Variants in CARM1 observed in about 807,000 individuals in gnomAD.
The protein encoded by CARM1 is histone-arginine methyltransferase CARM1.
A neutral mutation model predicts 72.7 loss-of-function variants in CARM1; 14 were observed. That is an observed-to-expected ratio of 0.19 (90% confidence interval 0.13 to 0.30). The LOEUF is 0.30. Among genes scored for constraint, CARM1 ranks in the 10% least tolerant of loss-of-function variants. The pLI is 1.00. For missense variants in CARM1, 432 were observed against 833.7 expected (o/e 0.52, Z 5.93); for synonymous variants, 333 against 345.5 (o/e 0.96, Z 0.40).
In CARM1 at chr19:10,919,919, G is replaced by A. The variant is rs142320590; in HGVS notation, c.1149G>A (p.Leu383=). Residue 383 remains leucine, a synonymous_variant, in exon 10 of 16, where the codon CTG becomes CTA. Transcript: ENST00000327064. ...AATTCCACATGCTGCATTCAGGGCT[G>A]GTCCACGGCCTGGCTTTCTGGTTTG... is the stretch of plus-strand genomic sequence containing the variant. ...PFKFHMLHSG[L]VHGLAFWFDV... 8.7e-6 allele frequency: 14 copies of A among 1,614,072 alleles called. No individual in the cohort carries two copies. The highest frequency in any genetic ancestry group is 1.1e-5 in the South Asian group (1 of 91,094).
At chr19:10,902,608 C>CTT (rs35583098) in intron 1 of CARM1, among the ~76,000 whole-genome samples, 9 of 136,496 alleles carry the variant, frequency 6.6e-5, no homozygotes, top group Admixed American at 2.2e-4. Flanking sequence ...TGTGCCCAGA[C>CTT]TTTTTTTTTT....
intron 1 of CARM1, among the ~76,000 whole-genome samples, chr19:10,884,213 T>C (rs2073923751): frequency 6.9e-6 from 1 of 145,180 alleles, no homozygotes; most frequent in South Asian, 2.2e-4. Context: ...TGGTGGCGCA[T>C]GCCTGTAATC....
intron 1 of CARM1, among the ~76,000 whole-genome samples, chr19:10,897,681 G>T (rs1281669213): frequency 1.3e-5 from 2 of 152,138 alleles, no homozygotes; most frequent in African/African-American, 2.4e-5. Flanking sequence ...TCCTTTTACT[G>T]CAGGGTAAAG....
At chr19:10,904,041 T>A (rs1203201489) in intron 1 of CARM1, among the ~76,000 whole-genome samples, 2 of 152,158 alleles carry the variant, frequency 1.3e-5, no homozygotes, top group Non-Finnish European at 2.9e-5. Context: ...TTCGTTTGGC[T>A]CCAGCCCAGG....
At chr19:10,917,294 G>A (rs986939515) in intron 8 of CARM1, among the ~76,000 whole-genome samples, 6 of 151,946 alleles carry the variant, frequency 3.9e-5, no homozygotes, top group Admixed American at 2.0e-4. Context: ...AGACCAACAC[G>A]GTGAAACCCC....
intron 1 of CARM1, among the ~76,000 whole-genome samples, chr19:10,872,217 C>T (rs2073824308): frequency 7.0e-6 from 1 of 142,782 alleles, no homozygotes; most frequent in African/African-American, 2.6e-5. Context: ...GTGGGGGGCT[C>T]TGAGTGGAAG....
Position 10,916,058 on chromosome 19 carries a change from G to A in CARM1, c.848-349G>A, listed in dbSNP as rs1198355000. Among the ~76,000 whole-genome samples the A allele has an allele frequency of 6.6e-6, 1 of 152,242 alleles. No homozygotes were observed. Among genetic ancestry groups the A allele is most frequent in the Non-Finnish European group, 1.5e-5 (1 of 68,034 alleles). ...TCCCGGCTGCACACATGCACAGACGGCAGGGCCTGAGAGGCAGCGCCTGGC... is the reference window on the plus strand; with the variant it reads ...TCCCGGCTGCACACATGCACAGACGACAGGGCCTGAGAGGCAGCGCCTGGC... On this transcript the variant is annotated intron_variant, in intron 6 of 15. Coordinates refer to ENST00000327064, the MANE Select transcript of CARM1 (RefSeq NM_199141.2). The surrounding 1 kb of genome is among the most constrained non-coding windows in gnomAD (Gnocchi z 4.4).
intron 1 of CARM1, among the ~76,000 whole-genome samples, chr19:10,889,086 G>T (rs1360924590): frequency 6.6e-6 from 1 of 152,182 alleles, no homozygotes. Context: ...TTTCTCCAGA[G>T]CCCACCTAGA....
Position 10,920,778 on chromosome 19 carries a change from GGCGCCCCGGCCCT to G in CARM1, c.1424+33_1425-41del. ...GAGGGGCCCCTTGCCTGCACAGGGG[GGCGCCCCGGCCCT>G]GCAACCCCCTTGCCCCTGCCCATGG... is the stretch of plus-strand genomic sequence containing the variant. On this transcript the variant is annotated intron_variant, in intron 12 of 15. Coordinates refer to ENST00000327064, the MANE Select transcript of CARM1 (RefSeq NM_199141.2). The surrounding 1 kb of genome is among the most constrained non-coding windows in gnomAD (Gnocchi z 5.3). The G allele has an allele frequency of 6.2e-7, 1 of 1,613,658 alleles. No homozygotes were observed. The highest frequency in any genetic ancestry group is 8.5e-7 in the Non-Finnish European group (1 of 1,179,616).
At chr19:10,886,012 G>A (rs943688124) in intron 1 of CARM1, among the ~76,000 whole-genome samples, 7 of 149,720 alleles carry the variant, frequency 4.7e-5, no homozygotes, top group Non-Finnish European at 1.0e-4. Context: ...TAGCTGGGAC[G>A]GCAGGTGGCC....
intron 1 of CARM1, among the ~76,000 whole-genome samples, chr19:10,876,224 C>T (rs1275398169): frequency 6.6e-6 from 1 of 152,090 alleles, no homozygotes; most frequent in Non-Finnish European, 1.5e-5. Context: ...TGCGGTCTCA[C>T]TATTTTGCCC....
chr19:10,905,185 G>C (rs1045742311), intron 2 of CARM1, 109 bp downstream of exon 2: 2 of 1,342,778 alleles, frequency 1.5e-6, no homozygotes, highest in East Asian at 2.3e-5. Context: ...CCTTAAGAAG[G>C]CTCCACTGCC....
chr19:10,917,455 C>T lies in CARM1; in HGVS notation c.1020+678C>T, dbSNP rs1317858172. ...TCGCACCACTGCACTCCAGCCTGGG[C>T]GACAGAGTGAGACTCCGTCTCAAAA... On this transcript the variant is annotated intron_variant, in intron 8 of 15. Coordinates refer to ENST00000327064, the MANE Select transcript of CARM1 (RefSeq NM_199141.2). Among the ~76,000 whole-genome samples, 6 of 151,798 alleles carry T rather than the reference C, an allele frequency of 4.0e-5. No individual in the cohort carries two copies. In the East Asian group the frequency reaches 5.8e-4, roughly 15 times the overall value.
At chr19:10,877,422 G>T (rs1646765739) in intron 1 of CARM1, among the ~76,000 whole-genome samples, 1 of 152,096 alleles carries the variant, frequency 6.6e-6, no homozygotes, top group Admixed American at 6.5e-5. Context: ...ATTTTTATCT[G>T]TGTTTGTATT....
intron 8 of CARM1, among the ~76,000 whole-genome samples, chr19:10,917,433 C>T (rs1168473816): frequency 6.6e-6 from 1 of 151,884 alleles, no homozygotes; most frequent in Non-Finnish European, 1.5e-5. Flanking sequence ...GCCGAGATCG[C>T]ACCACTGCAC....
Position 10,921,411 on chromosome 19 carries a change from T to C in CARM1, c.1652T>C (p.Met551Thr). The C allele has an allele frequency of 6.2e-7, 1 of 1,610,242 alleles. No homozygotes were observed. Among genetic ancestry groups the C allele is most frequent in the Non-Finnish European group, 8.5e-7 (1 of 1,178,826 alleles). The change falls in exon 15 of 16, where the codon ATG becomes ACG. Residue 551 changes from methionine (M) to threonine (T), a missense_variant. Physicochemically the swap from Met to Thr is moderately conservative, Grantham distance 81. Transcript: ENST00000327064. ...TGIVNHTHSR[M>T]GSIMSTGIVQ... ...ATTGTCAATCACACCCACTCCCGGA[T>C]GGGCTCCATAATGAGCACGGGGATT...
intron 1 of CARM1, among the ~76,000 whole-genome samples, chr19:10,881,591 CAGAG>C (rs1160310666): frequency 1.3e-5 from 2 of 150,410 alleles, no homozygotes; most frequent in East Asian, 3.9e-4. Flanking sequence ...CAGGTGACCT[CAGAG>C]AGCAGTCCCC....
intron 1 of CARM1, among the ~76,000 whole-genome samples, chr19:10,872,216 T>C (rs890448524): frequency 2.7e-5 from 4 of 148,300 alleles, no homozygotes; most frequent in Non-Finnish European, 6.0e-5. Flanking sequence ...AGTGGGGGGC[T>C]CTGAGTGGAA....
chr19:10,909,174 C>A lies in CARM1; in HGVS notation c.525C>A (p.Ala175=). The change falls in exon 4 of 16, where the codon GCC becomes GCA. Residue 175 remains alanine (A), a synonymous_variant. Transcript: ENST00000327064. ...TGCGGACAGGCACCTACCAGCGCGC[C>A]ATCCTGCAAAACCACACCGACTTCA... ...DYVRTGTYQR[A]ILQNHTDFKD... The A allele has an allele frequency of 6.2e-7, 1 of 1,613,888 alleles. No individual in the cohort carries two copies. The highest frequency in any genetic ancestry group is 8.5e-7 in the Non-Finnish European group (1 of 1,179,846).
Sources: allele counts gnomAD v4.1 joint callset (sites outside exome capture counted in the v4.1 genomes callset), GRCh38; gene constraint gnomAD v4.1.1; non-coding constraint Gnocchi (gnomAD v3.1); transcripts MANE v1.5; gene names NCBI Gene and HGNC (gene_info 2026-07-23, HGNC 2026-07-21).